The following ALOX5 variants were observed in gnomAD, a reference collection of about 807,000 sequenced individuals.
ALOX5 encodes the protein arachidonate 5-lipoxygenase.
ALOX5 carries 64 observed loss-of-function variants against 87.9 expected under a neutral mutation model. The observed-to-expected ratio is 0.73, with a 90% CI of 0.60 to 0.90. ALOX5 has a LOEUF of 0.90. ALOX5 is among the 40% of genes least tolerant of loss of function. The pLI is 0.00. For synonymous variants in ALOX5, 388 were observed against 355.1 expected (o/e 1.09, Z -1.04); for missense variants, 822 against 907.5 (o/e 0.91, Z 1.21).
chr10:45,432,823 A>C (rs1370092656), intron 7 of ALOX5, among the ~76,000 whole-genome samples: 2 of 152,272 alleles, frequency 1.3e-5, no homozygotes, highest in African/African-American at 2.4e-5. Flanking sequence ...TTGATTATGT[A>C]ATGTTTTAAA....
At chr10:45,443,353 C>T (rs1283058098) in intron 10 of ALOX5, 63 bp from the exon 11 acceptor site, 41 of 1,589,464 alleles carry the variant, frequency 2.6e-5, no homozygotes, top group Non-Finnish European at 3.5e-5. Context: ...GAGGGGGTTG[C>T]CGCCGGGCAC....
At chr10:45,438,332 G>T (rs1222783370) in intron 7 of ALOX5, among the ~76,000 whole-genome samples, 1 of 152,166 alleles carries the variant, frequency 6.6e-6, no homozygotes, top group Non-Finnish European at 1.5e-5. Flanking sequence ...TGACTTGGGA[G>T]AGCTGCTAAA....
At chr10:45,407,611 A>T (rs905470925) in intron 3 of ALOX5, among the ~76,000 whole-genome samples, 16 of 152,152 alleles carry the variant, frequency 1.1e-4, no homozygotes, top group Non-Finnish European at 7.4e-5. Context: ...GCAGGGAAAA[A>T]TAGTTATTCA....
chr10:45,386,734 T>C lies in ALOX5; in HGVS notation c.349+4053T>C, dbSNP rs184530279. Among the ~76,000 whole-genome samples, 118 of 152,322 alleles carry C rather than the reference T, an allele frequency of 7.7e-4. 1 individual carries two copies. In the Middle Eastern group the frequency reaches 0.01, roughly 13 times the overall value. On this transcript the variant is annotated intron_variant, in intron 2 of 13. Transcript: ENST00000374391. ...GCTTTACCACGAGAGCTAGAGAAAC[T>C]ATTCCAGGACCTGTTTTCAGGAGAT...
At chr10:45,396,523 A>C (rs1840513777) in intron 3 of ALOX5, among the ~76,000 whole-genome samples, 1 of 152,246 alleles carries the variant, frequency 6.6e-6, no homozygotes, top group Non-Finnish European at 1.5e-5. Context: ...AAACTGCCAA[A>C]ACTGACTCAT....
chr10:45,425,148 C>T lies in ALOX5; in HGVS notation c.834+16C>T. On this transcript the variant is annotated intron_variant, in intron 6 of 13. Transcript: ENST00000374391. The surrounding 1 kb of genome is among the most constrained non-coding windows in gnomAD (Gnocchi z 4.4). ...GGAGGTCCAGGTAGGGGTTGATGGG[C>T]TGGGGAAGTGGCCAAGGTCACAGTC... 1 of 1,609,050 alleles carries T rather than the reference C, an allele frequency of 6.2e-7. No homozygotes were observed. Among genetic ancestry groups the T allele is most frequent in the Non-Finnish European group, 8.5e-7 (1 of 1,177,024 alleles).
rs1842407822 is a variant in ALOX5 at position 45,445,513 on chromosome 10, C to G, written c.1851C>G (p.Phe617Leu). 3 of 1,613,094 alleles carry G rather than the reference C, an allele frequency of 1.9e-6. No individual in the cohort carries two copies. Among genetic ancestry groups the G allele is most frequent in the Non-Finnish European group, 2.5e-6 (3 of 1,179,164 alleles). ...ALSQFQENELFLGMYPEEHFI... is the reference protein window; with the variant it reads ...ALSQFQENELLLGMYPEEHFI... The stretch of plus-strand genomic sequence containing the variant: ...GTCCATGTCTGGGCCCTCAGCTGTT[C>G]CTGGGCATGTACCCAGAAGAGCATT... Residue 617 changes from phenylalanine to leucine, a missense_variant, in exon 14 of 14, where the codon TTC becomes TTG. Transcript: ENST00000374391.
intron 2 of ALOX5, among the ~76,000 whole-genome samples, chr10:45,390,714 C>T (rs1045462037): frequency 1.3e-5 from 2 of 152,314 alleles, no homozygotes; most frequent in East Asian, 1.9e-4. Context: ...AAATTTATAG[C>T]ACTACATGCC....
chr10:45,395,990 A>T (rs1486121108), intron 3 of ALOX5, 54 bp downstream of exon 3: 6 of 1,550,926 alleles, frequency 3.9e-6, no homozygotes, highest in Non-Finnish European at 5.3e-6. Context: ...CTTCTATCTC[A>T]AGAGCATGGT....
intron 9 of ALOX5, among the ~76,000 whole-genome samples, chr10:45,441,922 T>G (rs1362537748): frequency 1.3e-5 from 2 of 151,758 alleles, no homozygotes; most frequent in Non-Finnish European, 2.9e-5. Flanking sequence ...CCCCACCTCG[T>G]TTTGAGCCCT....
intron 5 of ALOX5, among the ~76,000 whole-genome samples, chr10:45,424,714 G>A (rs949732607): frequency 1.3e-5 from 2 of 152,206 alleles, no homozygotes; most frequent in African/African-American, 4.8e-5. Context: ...ACTCCATGCT[G>A]GGCTGAAGGA....
chr10:45,441,419 C>A lies in ALOX5; in HGVS notation c.1261C>A (p.Leu421Ile), dbSNP rs1842231089. 1 of 1,613,300 alleles carries A rather than the reference C, an allele frequency of 6.2e-7. No homozygotes were observed. Among genetic ancestry groups the A allele is most frequent in the African/African-American group, 1.3e-5 (1 of 74,916 alleles). The part of the protein sequence containing the change: ...AREQLICECG[L>I]FDKANATGGG... ...TGAGCAGCTCATCTGCGAGTGTGGC[C>A]TCTTTGACAAGGTGGGTGCCCTCCT... Residue 421 changes from leucine (L) to isoleucine (I), a missense_variant, in exon 9 of 14, where the codon CTC becomes ATC. Physicochemically the swap from Leu to Ile is conservative, Grantham distance 5 (BLOSUM62 2). Transcript: ENST00000374391.
rs1803918 is a variant in ALOX5 at position 45,445,600 on chromosome 10, C to T, written c.1938C>T (p.Val646=). 8.7e-6 allele frequency: 14 copies of T among 1,614,160 alleles called. No individual in the cohort carries two copies. Among genetic ancestry groups the T allele is most frequent in the Non-Finnish European group, 1.2e-5 (14 of 1,180,034 alleles). The part of the protein sequence containing the change: ...ARFRKNLEAI[V]SVIAERNKKK... ...TCCGCAAGAACCTCGAGGCCATTGT[C>T]AGCGTGATTGCTGAGCGCAACAAGA... Residue 646 remains valine (V), a synonymous_variant, in exon 14 of 14, where the codon GTC becomes GTT. Coordinates refer to ENST00000374391, the MANE Select transcript of ALOX5 (RefSeq NM_000698.5).
At chr10:45,428,476 A>C (rs1841805463) in intron 6 of ALOX5, 142 bp from the exon 7 acceptor site, 1 of 1,047,042 alleles carries the variant, frequency 9.6e-7, no homozygotes, top group African/African-American at 1.6e-5. Context: ...CCTTGGAGTC[A>C]GAGGAGAGAA....
chr10:45,441,526 G>A (rs1842235145), intron 9 of ALOX5, 96 bp downstream of exon 9: 6 of 1,249,858 alleles, frequency 4.8e-6, no homozygotes, highest in Non-Finnish European at 4.6e-6. Context: ...AGGAGGCCTG[G>A]AAGGGTGAAG....
chr10:45,390,596 G>A (rs911813923), intron 2 of ALOX5, among the ~76,000 whole-genome samples: 5 of 152,138 alleles, frequency 3.3e-5, no homozygotes, highest in Admixed American at 3.3e-4. Flanking sequence ...TGACTACTGG[G>A]TACATAACGA....
intron 1 of ALOX5, 77 bp downstream of exon 1, chr10:45,374,506 C>G: frequency 7.5e-7 from 1 of 1,330,916 alleles, no homozygotes; most frequent in East Asian, 3.0e-5. Flanking sequence ...GAGGCCTGGG[C>G]GGGGGCGCCG....
At chr10:45,440,255 G>A (rs1454390552) in intron 7 of ALOX5, among the ~76,000 whole-genome samples, 175 bp from the exon 8 acceptor site, 1 of 152,182 alleles carries the variant, frequency 6.6e-6, no homozygotes, top group Non-Finnish European at 1.5e-5. Context: ...AAGTAATATG[G>A]CTGGGACAGG....
At chr10:45,422,614 A>G (rs760606310) in intron 4 of ALOX5, among the ~76,000 whole-genome samples, 2 of 152,202 alleles carry the variant, frequency 1.3e-5, no homozygotes, top group African/African-American at 2.4e-5. Context: ...TGCCCTCAGC[A>G]TGCATAGGGC....
Sources: allele counts gnomAD v4.1 joint callset (sites outside exome capture counted in the v4.1 genomes callset), GRCh38; gene constraint gnomAD v4.1.1; non-coding constraint Gnocchi (gnomAD v3.1); transcripts MANE v1.5; gene names NCBI Gene and HGNC (gene_info 2026-07-23, HGNC 2026-07-21).